The following EIF4G3 variants were observed in gnomAD, a reference collection of about 807,000 sequenced individuals.
EIF4G3 encodes eukaryotic translation initiation factor 4 gamma 3.
In EIF4G3, 34 loss-of-function variants were observed where a neutral mutation model predicts 186.4. The ratio of observed to expected loss-of-function variants is 0.18; its 90% CI spans 0.14 to 0.24. EIF4G3 has a LOEUF of 0.24. Ranked by LOEUF, EIF4G3 falls within the 10% of genes least tolerant of loss-of-function variation. EIF4G3 has a pLI of 1.00. For missense variants in EIF4G3, 1,536 were observed against 1,948.5 expected (o/e 0.79, Z 3.99); for synonymous variants, 673 against 679.5 (o/e 0.99, Z 0.15).
At chr1:20,895,955 A>G (rs946322028) in intron 16 of EIF4G3, among the ~76,000 whole-genome samples, 1 of 90,740 alleles carries the variant, frequency 1.1e-5, no homozygotes, top group Non-Finnish European at 2.4e-5. Context: ...AGGCACTGTT[A>G]TAATAGATGA....
chr1:21,102,854 C>A (rs2096551145), intron 2 of EIF4G3, among the ~76,000 whole-genome samples: 3 of 152,024 alleles, frequency 2.0e-5, no homozygotes, highest in Non-Finnish European at 2.9e-5. Context: ...ATTAAAATAA[C>A]AAATGTCAAG....
intron 2 of EIF4G3, among the ~76,000 whole-genome samples, chr1:21,159,627 C>G (rs765176521): frequency 2.0e-5 from 3 of 151,972 alleles, no homozygotes; most frequent in African/African-American, 4.8e-5. Context: ...GTAATTCCAA[C>G]TGCTTGGGAG....
At chr1:21,141,794 G>A (rs566797755) in intron 2 of EIF4G3, among the ~76,000 whole-genome samples, 23 of 152,006 alleles carry the variant, frequency 1.5e-4, no homozygotes, top group Non-Finnish European at 2.4e-4. Context: ...AGTCAGCCGT[G>A]GTAGTGTGGG....
intron 4 of EIF4G3, among the ~76,000 whole-genome samples, chr1:21,039,586 C>T (rs2093440555): frequency 6.6e-6 from 1 of 152,112 alleles, no homozygotes; most frequent in Non-Finnish European, 1.5e-5. Flanking sequence ...TCCCTTGTAT[C>T]CCAGAGACGG....
chr1:20,971,102 A>G (rs1237898520), intron 11 of EIF4G3, among the ~76,000 whole-genome samples: 2 of 152,232 alleles, frequency 1.3e-5, no homozygotes, highest in East Asian at 3.8e-4. Flanking sequence ...CTATGCTTAA[A>G]GATGTCAGTG....
At chr1:20,872,384 C>T (rs1323715563) in intron 20 of EIF4G3, among the ~76,000 whole-genome samples, 1 of 152,106 alleles carries the variant, frequency 6.6e-6, no homozygotes, top group Non-Finnish European at 1.5e-5. Flanking sequence ...TCTTGACCTC[C>T]CCAACTGGGA....
chr1:21,045,845 TAA>T (rs1029153300), intron 4 of EIF4G3, among the ~76,000 whole-genome samples: 3 of 151,826 alleles, frequency 2.0e-5, no homozygotes, highest in Non-Finnish European at 4.4e-5. Context: ...ATTTTAAATC[TAA>T]AATAGTTTTA....
chr1:20,937,307 C>A (rs554205254), intron 14 of EIF4G3, among the ~76,000 whole-genome samples: 1 of 152,332 alleles, frequency 6.6e-6, no homozygotes, highest in African/African-American at 2.4e-5. Flanking sequence ...TACGGTATGG[C>A]TGTCCTTAGG....
At chr1:20,833,351 G>T (rs1178093838) in intron 30 of EIF4G3, among the ~76,000 whole-genome samples, 2 of 152,100 alleles carry the variant, frequency 1.3e-5, no homozygotes, top group East Asian at 3.9e-4. Flanking sequence ...GGATTCCTAG[G>T]TATTTTATTC....
rs535800489 is a variant in EIF4G3, at chr1:20,995,560, C to T, written c.177+2041G>A. 1.2e-3 allele frequency among the ~76,000 whole-genome samples: 189 copies of T among 152,046 alleles called. 1 individual carries two copies. Among genetic ancestry groups the T allele is most frequent in the African/African-American group, 4.3e-3 (179 of 41,450 alleles). ...CTACTTTTTGCATTTTTAGTAGAGA[C>T]GGAATTTCACCATGTTGGCCAGGCT... On this transcript the variant is annotated intron_variant, in intron 7 of 36. Transcript: ENST00000602326.
chr1:20,959,439 G>C (rs369653630), intron 12 of EIF4G3, among the ~76,000 whole-genome samples: 2 of 151,954 alleles, frequency 1.3e-5, no homozygotes, highest in East Asian at 3.9e-4. Context: ...AATTCTAGAA[G>C]ATAACATTGG....
chr1:20,980,467 G>A lies in EIF4G3; in HGVS notation c.379-19C>T. ...GACGGTACTAGAAAAGAGAAAGTAT[G>A]AATATTTATAAATAATATGGTATCT... On this transcript the variant is annotated intron_variant, in intron 9 of 36. Transcript: ENST00000602326. The A allele has an allele frequency of 1.3e-6, 2 of 1,483,932 alleles. No individual in the cohort carries two copies. Among genetic ancestry groups the A allele is most frequent in the Non-Finnish European group, 1.8e-6 (2 of 1,103,822 alleles). 91.9% of individuals were successfully genotyped at this position (1,483,932 alleles called of 1,614,324 possible).
At chr1:21,078,887 A>C (rs1320466481) in intron 3 of EIF4G3, among the ~76,000 whole-genome samples, 3 of 152,260 alleles carry the variant, frequency 2.0e-5, no homozygotes, top group Admixed American at 2.0e-4. Flanking sequence ...ATGGAGGCTG[A>C]GGCAGGAGAA....
intron 23 of EIF4G3, among the ~76,000 whole-genome samples, chr1:20,861,101 T>C (rs1417877705): frequency 6.6e-6 from 1 of 152,236 alleles, no homozygotes; most frequent in African/African-American, 2.4e-5. Flanking sequence ...TTCTCCCTTC[T>C]CTTTCTAGCA....
At chr1:21,142,907 G>C (rs1373612995) in intron 2 of EIF4G3, among the ~76,000 whole-genome samples, 1 of 152,142 alleles carries the variant, frequency 6.6e-6, no homozygotes, top group Admixed American at 6.6e-5. Context: ...AATGGAAATA[G>C]ATATCTATTA....
rs57050580 is a variant in EIF4G3 at position 20,822,355 on chromosome 1, C to CTTTTTTTTTTTTTTTTTTTT, written c.4368+2725_4368+2744dup. 3.1e-5 allele frequency among the ~76,000 whole-genome samples: 2 copies of CTTTTTTTTTTTTTTTTTTTT among 65,048 alleles called. 1 individual carries two copies. The highest frequency in any genetic ancestry group is 1.2e-4 in the African/African-American group (2 of 16,494). The allele number at this position is 65,048 out of a possible 152,430, so 42.7% of individuals were successfully genotyped here. On this transcript the variant is annotated intron_variant, in intron 33 of 36. Coordinates refer to ENST00000602326, the MANE Select transcript of EIF4G3 (RefSeq NM_001391906.1). ...CACTTTTATCTTCTCAAAGAACCAG[C>CTTTTTTTTTTTTTTTTTTTT]TTTTTTTTTTTTTTTTTTTTTTTTT... is the stretch of plus-strand genomic sequence containing the variant.
chr1:21,110,034 T>A (rs1478304783), intron 2 of EIF4G3, among the ~76,000 whole-genome samples: 1 of 152,092 alleles, frequency 6.6e-6, no homozygotes, highest in African/African-American at 2.4e-5. Context: ...GTGATCCACC[T>A]GCCTCAGCCT....
chr1:21,145,829 C>T (rs1388313677), intron 2 of EIF4G3, among the ~76,000 whole-genome samples: 2 of 152,010 alleles, frequency 1.3e-5, no homozygotes, highest in Admixed American at 6.6e-5. Context: ...ATCTGCAATC[C>T]CAGTGCTTTG....
chr1:20,953,698 A>G (rs1305724529), intron 12 of EIF4G3, among the ~76,000 whole-genome samples: 1 of 152,196 alleles, frequency 6.6e-6, no homozygotes, highest in Non-Finnish European at 1.5e-5. Flanking sequence ...CAGAATACTT[A>G]AGTACAGAGG....
Sources: gnomAD v4.1 joint callset for allele counts (sites outside exome capture counted in the v4.1 genomes callset) on GRCh38, gnomAD v4.1.1 for gene constraint, MANE v1.5 for transcripts, NCBI Gene and HGNC (gene_info 2026-07-23, HGNC 2026-07-21) for gene names.